The following SULT1A1 variants were observed in gnomAD, a reference collection of about 807,000 sequenced individuals.
SULT1A1 encodes sulfotransferase family 1A member 1, also known as sulfotransferase 1A1.
A neutral mutation model predicts 36.8 loss-of-function variants in SULT1A1; 35 were observed. That is an observed-to-expected ratio of 0.95 (90% CI 0.73 to 1.26). SULT1A1 has a LOEUF of 1.26. SULT1A1 is among the 50% of genes most tolerant of loss of function. The pLI, the probability that SULT1A1 is intolerant of heterozygous loss-of-function variation, is 0.00. For synonymous variants in SULT1A1, 119 were observed against 146.0 expected, an observed-to-expected ratio of 0.82 and a Z score of 1.33; for missense variants, 309 against 383.0, an observed-to-expected ratio of 0.81 and a Z score of 1.61.
At chr16:28,610,273 T>G, upstream of SULT1A1, 8 of 1,092,916 alleles carry the variant, frequency 7.3e-6, no homozygotes, top group South Asian at 7.8e-5. Flanking sequence ...TGTTTTTTTT[T>G]TTTTTTTTTT....
chr16:28,621,688 A>T (rs1255752373), intron 1 of SULT1A1, among the ~76,000 whole-genome samples: 4 of 152,000 alleles, frequency 2.6e-5, no homozygotes, highest in Admixed American at 2.6e-4. Flanking sequence ...AGACCTTCTG[A>T]TAAAACAGGA....
chr16:28,621,747 G>T (rs1240065843), intron 1 of SULT1A1, among the ~76,000 whole-genome samples: 1 of 152,002 alleles, frequency 6.6e-6, no homozygotes, highest in African/African-American at 2.4e-5. Context: ...GACCCCGTCA[G>T]GCTTAAGACC....
At chr16:28,610,245 T>A, upstream of SULT1A1, 2 of 1,222,248 alleles carry the variant, frequency 1.6e-6, no homozygotes, top group South Asian at 2.7e-5. Context: ...GGGTTTGTTT[T>A]TGTAGGTTTT....
chr16:28,609,881 C>A lies in SULT1A1; in HGVS notation c.-5+50G>T, dbSNP rs2047378549. The A allele has an allele frequency of 1.4e-5, 17 of 1,247,908 alleles. 2 individuals carry two copies. Among genetic ancestry groups the A allele is most frequent in the Non-Finnish European group, 1.8e-5 (17 of 969,840 alleles). 77.3% of individuals were successfully genotyped at this position (1,247,908 alleles called of 1,614,324 possible). A position where few individuals can be genotyped will look rare whatever the true frequency, so the allele number is the denominator to read the frequency against. On this transcript the variant is annotated intron_variant, in intron 1 of 7. Transcript: ENST00000314752. ...CTCAGCTTCTGGAATGTTAGAGCCA[C>A]AAGCTGAGCAGGGTGAGGGCGCCCT... is the stretch of plus-strand genomic sequence containing the variant.
chr16:28,619,891 CAG>C (rs569614209), intron 2 of SULT1A1, among the ~76,000 whole-genome samples: 1 of 151,260 alleles, frequency 6.6e-6, no homozygotes, highest in African/African-American at 2.4e-5. Context: ...AATATGTACA[CAG>C]AAAGTATATA....
rs760977626 is a variant in SULT1A1 at position 28,606,177 on chromosome 16, C to T, written c.654G>A (p.Glu218=). 1.9e-6 allele frequency: 3 copies of T among 1,611,780 alleles called. No individual in the cohort carries two copies. Among genetic ancestry groups the T allele is most frequent in the East Asian group, 2.2e-5 (1 of 44,880 alleles). The change falls in exon 7 of 8, where the codon GAG becomes GAA. Residue 218 remains glutamate (E), a synonymous_variant. Coordinates refer to ENST00000314752, the MANE Select transcript of SULT1A1 (RefSeq NM_001055.4). ...LEFVGRSLPE[E]TVDFVVQHTS... ...TGTGCTGAACCACGAAGTCCACGGT[C>T]TCCTCTGGCAGGGAGCGCCCCACAA...
chr16:28,608,863 C>A lies in SULT1A1; in HGVS notation c.-4-4G>T. The A allele has an allele frequency of 6.2e-7, 1 of 1,611,462 alleles. No homozygotes were observed. The highest frequency in any genetic ancestry group is 8.5e-7 in the Non-Finnish European group (1 of 1,179,452). ...GTCCTGGATCAGCTCCATGTTCCTGCGTCAGGGGCCAGAGCCAGGCCCGTT... is the reference window on the plus strand; with the variant it reads ...GTCCTGGATCAGCTCCATGTTCCTGAGTCAGGGGCCAGAGCCAGGCCCGTT... On this transcript the variant is annotated splice_polypyrimidine_tract_variant and splice_region_variant and intron_variant, in intron 1 of 7. Coordinates refer to ENST00000314752, the MANE Select transcript of SULT1A1 (RefSeq NM_001055.4).
chr16:28,609,958 C>A lies in SULT1A1; in HGVS notation c.-32G>T. The A allele has an allele frequency of 7.8e-7, 1 of 1,288,042 alleles. No individual in the cohort carries two copies. The highest frequency in any genetic ancestry group is 1.0e-6 in the Non-Finnish European group (1 of 987,464). The allele number at this position is 1,288,042 out of a possible 1,614,324, so 79.8% of individuals were successfully genotyped here. A position where few individuals can be genotyped will look rare whatever the true frequency, so the allele number is the denominator to read the frequency against. On this transcript the variant is annotated 5_prime_UTR_variant, in exon 1 of 8. Coordinates refer to ENST00000314752, the MANE Select transcript of SULT1A1 (RefSeq NM_001055.4). The stretch of plus-strand genomic sequence containing the variant: ...GAGCTCTTGGGAACCTGGCCTCGTG[C>A]CCTCCTCGCCCGCAGTGGCTGATTG...
At chr16:28,622,019 AG>A (rs2047666279) in intron 1 of SULT1A1, among the ~76,000 whole-genome samples, 1 of 152,182 alleles carries the variant, frequency 6.6e-6, no homozygotes, top group Admixed American at 6.5e-5. Flanking sequence ...GATGAACCCA[AG>A]TTAACTCTCC....
At chr16:28,622,588 T>G (rs2047677613) in intron 1 of SULT1A1, among the ~76,000 whole-genome samples, 1 of 152,086 alleles carries the variant, frequency 6.6e-6, no homozygotes, top group African/African-American at 2.4e-5. Flanking sequence ...AACCTCAGAT[T>G]CCACCTGCTC....
chr16:28,605,850 A>T lies in SULT1A1; in HGVS notation c.859T>A (p.Cys287Ser), dbSNP rs1363263379. Residue 287 changes from cysteine to serine, a missense_variant, in exon 8 of 8, where the codon TGC becomes AGC. This residue lies in a region of SULT1A1 where 67 missense variants were observed against 122.0 expected (regional missense o/e 0.55). Coordinates refer to ENST00000314752, the MANE Select transcript of SULT1A1 (RefSeq NM_001055.4). Reference sequence around the variant, plus strand: ...AGCTCAGAGCGGAAGCTGAGGCTGCAGCCTGCCATCTTCTCCGCATAGTCC... The same window carrying T: ...AGCTCAGAGCGGAAGCTGAGGCTGCTGCCTGCCATCTTCTCCGCATAGTCC... ...DADYAEKMAG[C>S]SLSFRSEL 1 of 1,608,854 alleles carries T rather than the reference A, an allele frequency of 6.2e-7. No homozygotes were observed. Among genetic ancestry groups the T allele is most frequent in the African/African-American group, 1.3e-5 (1 of 74,772 alleles).
exon 1 of SULT1A1, chr16:28,623,299 T>C: frequency 2.0e-6 from 3 of 1,537,458 alleles, no homozygotes; most frequent in Non-Finnish European, 2.6e-6. Context: ...ACGCGCCGCG[T>C]CTGGCGCCAG....
intron 2 of SULT1A1, among the ~76,000 whole-genome samples, chr16:28,618,914 G>C (rs1037756736): frequency 3.3e-5 from 5 of 152,008 alleles, no homozygotes; most frequent in East Asian, 1.9e-4. Flanking sequence ...TTGTCCCTTT[G>C]GCTGCAAAAT....
Position 28,608,499 on chromosome 16 carries a change from T to G in SULT1A1, c.253A>C (p.Lys85Gln). The change falls in exon 3 of 8, where the codon AAA (lysine) becomes CAA (glutamine). Residue 85 changes from lysine to glutamine, a missense_variant. Physicochemically the swap from Lys to Gln is moderately conservative, Grantham distance 53. This residue lies in a region of SULT1A1 where 219 missense variants were observed against 215.3 expected (regional missense o/e 1.02). Transcript: ENST00000314752. ...IFMRVPFLEF[K>Q]APGIPSGMET... ...ACACCTGAGGGAATCCCTGGGGCTT[T>G]GAACTCAAGGAAGGGCACCCGCATG... The G allele has an allele frequency of 1.2e-6, 2 of 1,612,452 alleles. No individual in the cohort carries two copies. The highest frequency in any genetic ancestry group is 1.7e-6 in the Non-Finnish European group (2 of 1,178,690).
At chr16:28,618,492 C>T (rs1285016521) in intron 2 of SULT1A1, among the ~76,000 whole-genome samples, 1 of 151,734 alleles carries the variant, frequency 6.6e-6, no homozygotes, top group Non-Finnish European at 1.5e-5. Context: ...ACTACAGGCT[C>T]GTACCACCAT....
intron 1 of SULT1A1, among the ~76,000 whole-genome samples, chr16:28,621,666 G>A (rs989116778): frequency 2.6e-5 from 4 of 151,886 alleles, no homozygotes; most frequent in African/African-American, 4.8e-5. Context: ...ATCACACGCC[G>A]GGACCAGGCA....
intron 1 of SULT1A1, among the ~76,000 whole-genome samples, chr16:28,620,821 A>G (rs775132615): frequency 1.5e-4 from 23 of 152,074 alleles, no homozygotes; most frequent in Non-Finnish European, 2.8e-4. Flanking sequence ...TTTTAAAAAA[A>G]GCTAGTGGGC....
In SULT1A1 at chr16:28,619,757, T is replaced by TATATCC. The variant is rs1555485365; in HGVS notation, c.138+305_138+306insGGATAT. Among the ~76,000 whole-genome samples, 7 of 148,640 alleles carry TATATCC rather than the reference T, an allele frequency of 4.7e-5. No homozygotes were observed. The South Asian group carries it at 1.1e-3, about 22-fold the overall frequency. ...ATTAAAAAATATATATATACATATATATATATAGACACACACACACACACA... is the reference window on the plus strand; with the variant it reads ...ATTAAAAAATATATATATACATATATATATCCATATATAGACACACACACACACACA... On this transcript the variant is annotated intron_variant, in intron 2 of 5. Coordinates refer to the SULT1A1 transcript ENST00000350842.
chr16:28,615,789 G>T (rs947520748), intron 2 of SULT1A1, among the ~76,000 whole-genome samples: 3 of 152,232 alleles, frequency 2.0e-5, no homozygotes, highest in Non-Finnish European at 4.4e-5. Context: ...AGGTCACGTG[G>T]GTCACGTGTC....
Sources: gnomAD v4.1 joint callset for allele counts (sites outside exome capture counted in the v4.1 genomes callset) on GRCh38, gnomAD v4.1.1 for gene constraint, gnomAD v4.1.1 regional missense constraint, MANE v1.5 for transcripts, NCBI Gene and HGNC (gene_info 2026-07-23, HGNC 2026-07-21) for gene names.